The following CPS1 variants were observed in gnomAD, a reference collection of about 807,000 sequenced individuals.
CPS1 encodes the protein carbamoyl-phosphate synthase 1.
In CPS1, 109 loss-of-function variants were observed where a neutral mutation model predicts 174.6. The observed-to-expected ratio is 0.62, with a 90% CI of 0.53 to 0.73. The LOEUF (loss-of-function observed/expected upper bound fraction) is 0.73. Among genes scored for constraint, CPS1 ranks in the 30% least tolerant of loss-of-function variants. The probability of loss-of-function intolerance (pLI) is 0.00; values close to 1 mark genes in which losing one functional copy is unlikely to be tolerated. For missense variants in CPS1, 1,689 were observed against 1,821.9 expected (o/e 0.93, Z 1.33); for synonymous variants, 637 against 632.0 (o/e 1.01, Z -0.12).
In CPS1 at chr2:210,563,619, T is replaced by C. The variant is rs545275719; in HGVS notation, c.126+6760T>C. ...AAACTGGTTCGAAGTAAAGGATCGA[T>C]GTCCTTAGAATTAGTTCAGAATGCT... On this transcript the variant is annotated intron_variant, in intron 1 of 37. Coordinates refer to ENST00000233072, the MANE Select transcript of CPS1 (RefSeq NM_001875.5). Among the ~76,000 whole-genome samples the C allele has an allele frequency of 5.9e-5, 9 of 152,304 alleles. No homozygotes were observed. In the South Asian group the frequency reaches 1.9e-3, roughly 32 times the overall value.
intron 1 of CPS1, among the ~76,000 whole-genome samples, chr2:210,560,306 C>G (rs1056593731): frequency 1.3e-5 from 2 of 151,988 alleles, no homozygotes; most frequent in Non-Finnish European, 1.5e-5. Flanking sequence ...ATAAGTGGAT[C>G]ATAAGAGTAT....
chr2:210,580,742 T>G (rs1027611544), intron 5 of CPS1, among the ~76,000 whole-genome samples: 1 of 151,372 alleles, frequency 6.6e-6, no homozygotes, highest in African/African-American at 2.4e-5. Flanking sequence ...ACACCTGTAA[T>G]CCCAGCTACT....
chr2:210,478,570 G>T (rs1332344989), intron 1 of CPS1, among the ~76,000 whole-genome samples: 1 of 151,812 alleles, frequency 6.6e-6, no homozygotes, highest in Non-Finnish European at 1.5e-5. Flanking sequence ...TCTTTAGTTT[G>T]TTCACATTTT....
chr2:210,520,079 A>G (rs977340941), intron 1 of CPS1, among the ~76,000 whole-genome samples: 2 of 152,032 alleles, frequency 1.3e-5, no homozygotes, highest in African/African-American at 4.8e-5. Flanking sequence ...ATTCCAGTTC[A>G]TCCTAAGATG....
chr2:210,482,619 C>A (rs2105941891), intron 1 of CPS1, among the ~76,000 whole-genome samples: 1 of 151,606 alleles, frequency 6.6e-6, no homozygotes, highest in Non-Finnish European at 1.5e-5. Flanking sequence ...TAATGTGATT[C>A]TTTTGCAGAC....
chr2:210,533,428 A>G (rs1445448323), intron 1 of CPS1, among the ~76,000 whole-genome samples: 10 of 152,206 alleles, frequency 6.6e-5, no homozygotes. Context: ...CACAGATAAT[A>G]TCATTATTCT....
At chr2:210,645,035 A>G (rs576502906) in intron 25 of CPS1, among the ~76,000 whole-genome samples, 12 of 152,262 alleles carry the variant, frequency 7.9e-5, no homozygotes, top group African/African-American at 2.9e-4. Context: ...AAGGATGATG[A>G]TTTACCTGTG....
intron 1 of CPS1, among the ~76,000 whole-genome samples, chr2:210,490,997 G>A (rs372959064): frequency 3.9e-5 from 6 of 152,278 alleles, no homozygotes; most frequent in African/African-American, 1.4e-4. Flanking sequence ...TAGGGGCAAA[G>A]TTGGAAAATC....
chr2:210,625,170 T>A (rs1317842873), intron 21 of CPS1, among the ~76,000 whole-genome samples: 1 of 152,012 alleles, frequency 6.6e-6, no homozygotes, highest in Non-Finnish European at 1.5e-5. Context: ...TGATGAATAA[T>A]CACTAGTTAT....
intron 33 of CPS1, among the ~76,000 whole-genome samples, chr2:210,666,963 G>A (rs1383140856): frequency 2.0e-5 from 3 of 152,172 alleles, no homozygotes; most frequent in African/African-American, 7.2e-5. Flanking sequence ...CCATGAGCAT[G>A]GAATGTTCTT....
Position 210,533,493 on chromosome 2 carries a change from A to G in CPS1, c.4-23226A>G, listed in dbSNP as rs114151734. On this transcript the variant is annotated intron_variant, in intron 1 of 38. Coordinates refer to the CPS1 transcript ENST00000430249. The stretch of plus-strand genomic sequence containing the variant: ...AGAGGGTAATTAGGCAATTTTCCCA[A>G]GTTCACTCATTTAGCAAGTGGTAGA... Among the ~76,000 whole-genome samples, 1,105 of 152,252 alleles carry G rather than the reference A, an allele frequency of 7.3e-3. 8 individuals carry two copies. Among genetic ancestry groups the G allele is most frequent in the African/African-American group, 0.025 (1,046 of 41,568 alleles).
chr2:210,622,670 A>G (rs11903254), intron 21 of CPS1, among the ~76,000 whole-genome samples: 18,591 of 151,338 alleles, frequency 0.12, 1,229 homozygotes, highest in East Asian at 0.26. Flanking sequence ...AGAACTTGTG[A>G]GAAAGAACTA....
Position 210,653,924 on chromosome 2 carries a change from G to A in CPS1, c.3481-101G>A, listed in dbSNP as rs1574645789. The A allele has an allele frequency of 1.9e-5, 17 of 897,012 alleles. No homozygotes were observed. In the East Asian group the frequency reaches 4.1e-4, roughly 22 times the overall value. The allele number at this position is 897,012 out of a possible 1,614,324, so 55.6% of individuals were successfully genotyped here. On this transcript the variant is annotated intron_variant, in intron 28 of 37. Coordinates refer to ENST00000233072, the MANE Select transcript of CPS1 (RefSeq NM_001875.5). ...ATGTTCAGCCTTGAGTATTTTGCAA[G>A]TATTGCCCTGATACTTATAATACTT... is the stretch of plus-strand genomic sequence containing the variant.
At chr2:210,538,488 CCTTTA>C (rs1696317481) in intron 1 of CPS1, among the ~76,000 whole-genome samples, 1 of 151,790 alleles carries the variant, frequency 6.6e-6, no homozygotes, top group Admixed American at 6.6e-5. Context: ...TAATTTTAAT[CCTTTA>C]CTTCATTTTC....
At position 210,600,728 on chromosome 2, in the gene CPS1, T is replaced by C. The variant is rs565200384; in HGVS notation, c.1707+16T>C. On this transcript the variant is annotated intron_variant, in intron 15 of 37. Coordinates refer to ENST00000233072, the MANE Select transcript of CPS1 (RefSeq NM_001875.5). ...AGTGGAATCGGTAAGGATTCTTTGC[T>C]TTGGAAAAACAAGGGCATTATTTGT... The C allele has an allele frequency of 7.4e-5, 119 of 1,611,354 alleles. No homozygotes were observed. The African/African-American group carries it at 1.3e-3, about 18-fold the overall frequency.
At chr2:210,552,444 A>C (rs1696755377), upstream of CPS1, among the ~76,000 whole-genome samples, 2 of 152,056 alleles carry the variant, frequency 1.3e-5, no homozygotes, top group South Asian at 4.1e-4. Flanking sequence ...CATCTCTTGC[A>C]TGCTTGCTAT....
At chr2:210,570,104 G>A (rs1697426842) in intron 1 of CPS1, among the ~76,000 whole-genome samples, 1 of 151,868 alleles carries the variant, frequency 6.6e-6, no homozygotes, top group Non-Finnish European at 1.5e-5. Flanking sequence ...AAGTCAATTG[G>A]CACTCATCAT....
At position 210,656,543 on chromosome 2, in the gene CPS1, TC is replaced by T; in HGVS notation, c.3578del (p.Ser1193LeufsTer16). ...TGGCCAGGTTATCTCTCATGCCATC[TC>T]TGAACATGTTGAAGATGCAGGTGTC... ...KDGRVISHAISEHVEDAGVHS... is the reference protein window; with the variant it reads ...KDGRVISHAIXEHVEDAGVHS... On this transcript the variant is annotated frameshift_variant, in exon 30 of 38. Transcript: ENST00000233072. LOFTEE classifies it high-confidence loss of function. 3 of 1,607,146 alleles carry T rather than the reference TC, an allele frequency of 1.9e-6. No individual in the cohort carries two copies. The highest frequency in any genetic ancestry group is 2.5e-6 in the Non-Finnish European group (3 of 1,176,760).
intron 11 of CPS1, among the ~76,000 whole-genome samples, chr2:210,594,151 T>C (rs1698400739): frequency 6.6e-6 from 1 of 151,922 alleles, no homozygotes. Context: ...TTTCTAATTT[T>C]CTATATCATA....
Sources: gnomAD v4.1 joint callset for allele counts (sites outside exome capture counted in the v4.1 genomes callset) on GRCh38, gnomAD v4.1.1 for gene constraint, MANE v1.5 for transcripts, NCBI Gene and HGNC (gene_info 2026-07-23, HGNC 2026-07-21) for gene names.